PLEK2: variants seen among roughly 807,000 people sequenced by gnomAD.
The protein encoded by PLEK2 is pleckstrin-2.
PLEK2 carries 29 observed loss-of-function variants against 43.8 expected under a neutral mutation model. The ratio of observed to expected loss-of-function variants is 0.66; its 90% CI spans 0.49 to 0.90. PLEK2 has a LOEUF of 0.90. Among genes scored for constraint, PLEK2 ranks in the 40% least tolerant of loss-of-function variants. The pLI is 0.00. For synonymous variants in PLEK2, 162 were observed against 173.2 expected, an observed-to-expected ratio of 0.94 and a Z score of 0.51; for missense variants, 398 against 448.1, an observed-to-expected ratio of 0.89 and a Z score of 1.01.
At chr14:67,403,224 C>T (rs567350126) in intron 1 of PLEK2, among the ~76,000 whole-genome samples, 6 of 152,196 alleles carry the variant, frequency 3.9e-5, no homozygotes, top group South Asian at 4.1e-4. Context: ...TGTCTTCTTT[C>T]GAGAAATGTC....
intron 1 of PLEK2, among the ~76,000 whole-genome samples, chr14:67,401,914 T>C (rs951537905): frequency 6.6e-6 from 1 of 152,118 alleles, no homozygotes; most frequent in African/African-American, 2.4e-5. Flanking sequence ...ACCCAACTCC[T>C]GAGGTCAGGA....
intron 1 of PLEK2, among the ~76,000 whole-genome samples, chr14:67,398,538 GA>G (rs2086026802): frequency 6.6e-6 from 1 of 151,702 alleles, no homozygotes. Flanking sequence ...TGCCACCTGA[GA>G]ACCAACTAAA....
At chr14:67,410,216 G>A (rs1033248999) in intron 1 of PLEK2, among the ~76,000 whole-genome samples, 3 of 152,076 alleles carry the variant, frequency 2.0e-5, no homozygotes, top group Non-Finnish European at 4.4e-5. Context: ...TCAGCATGGT[G>A]GGGGTGATAG....
intron 1 of PLEK2, among the ~76,000 whole-genome samples, chr14:67,411,262 G>A (rs1250346682): frequency 3.3e-5 from 5 of 151,638 alleles, no homozygotes; most frequent in African/African-American, 4.9e-5. Context: ...GTTTGCACTC[G>A]TTTGCCCTGG....
chr14:67,392,214 C>T, intron 6 of PLEK2, 112 bp downstream of exon 6: 2 of 753,134 alleles, frequency 2.7e-6, no homozygotes, highest in Non-Finnish European at 4.7e-6. Context: ...GTAGATTTTG[C>T]TGTAATTGGT....
chr14:67,393,610 C>T (rs924551121), intron 3 of PLEK2, among the ~76,000 whole-genome samples: 4 of 152,106 alleles, frequency 2.6e-5, no homozygotes, highest in Non-Finnish European at 4.4e-5. Context: ...TTTGCCACCA[C>T]ACCTGGCTAA....
chr14:67,387,238 G>A lies in PLEK2; in HGVS notation c.*91C>T, dbSNP rs2085932070. The A allele has an allele frequency of 1.7e-5, 22 of 1,277,138 alleles. No individual in the cohort carries two copies. In the South Asian group the frequency reaches 2.9e-4, roughly 17 times the overall value. The allele number at this position is 1,277,138 out of a possible 1,614,324, so 79.1% of individuals were successfully genotyped here. A position where few individuals can be genotyped will look rare whatever the true frequency, so the allele number is the denominator to read the frequency against. On this transcript the variant is annotated 3_prime_UTR_variant, in exon 9 of 9. Transcript: ENST00000216446. ...TCCAAAGCAGTACAAAACTTACAAA[G>A]AAGTCAAAAGTCTTAACACTCCCAT...
At chr14:67,387,517 G>A (rs1207046520) in intron 8 of PLEK2, 61 bp from the exon 9 acceptor site, 1 of 1,541,860 alleles carries the variant, frequency 6.5e-7, no homozygotes, top group Non-Finnish European at 8.8e-7. Flanking sequence ...CTTTCATCTT[G>A]AACCAGCAGA....
At position 67,397,695 on chromosome 14, in the gene PLEK2, G is replaced by C; in HGVS notation, c.174C>G (p.Ile58Met). 1.9e-6 allele frequency: 3 copies of C among 1,613,356 alleles called. No individual in the cohort carries two copies. The highest frequency in any genetic ancestry group is 2.5e-6 in the Non-Finnish European group (3 of 1,179,642). The change falls in exon 2 of 9, where the codon ATC becomes ATG. Residue 58 changes from isoleucine to methionine, a missense_variant. Transcript: ENST00000216446. ...TTTCATACTCCAGGCAGGGGCAGGT[G>C]ATGGTGCAGCCATCCAGGAGGATCC... The part of the protein sequence containing the change: ...KGRILLDGCT[I>M]TCPCLEYENR...
intron 6 of PLEK2, 144 bp downstream of exon 6, chr14:67,392,182 C>T (rs1197530673): frequency 6.2e-6 from 4 of 646,240 alleles, no homozygotes; most frequent in Non-Finnish European, 8.4e-6. Context: ...CTCCTGGAGG[C>T]TGGTGCTGGG....
chr14:67,392,931 G>T, intron 4 of PLEK2, 82 bp from the exon 5 acceptor site: 1 of 1,191,652 alleles, frequency 8.4e-7, no homozygotes, highest in Non-Finnish European at 1.2e-6. Context: ...CACTGACCTT[G>T]GCCCTCTGGG....
chr14:67,392,474 G>C, intron 5 of PLEK2, 47 bp from the exon 6 acceptor site: 1 of 1,441,810 alleles, frequency 6.9e-7, no homozygotes, highest in Non-Finnish European at 9.8e-7. Flanking sequence ...AAAGACCCAG[G>C]CCCAGGCTAT....
intron 1 of PLEK2, among the ~76,000 whole-genome samples, chr14:67,407,688 A>G (rs1283268523): frequency 6.6e-6 from 1 of 151,634 alleles, no homozygotes; most frequent in Non-Finnish European, 1.5e-5. Flanking sequence ...CAATCCTCCC[A>G]CTTTGGCCTC....
chr14:67,387,635 G>T (rs998730769), intron 8 of PLEK2, among the ~76,000 whole-genome samples, 179 bp from the exon 9 acceptor site: 1 of 152,208 alleles, frequency 6.6e-6, no homozygotes, highest in African/African-American at 2.4e-5. Flanking sequence ...CCCATTCCCT[G>T]TCCCTCACCA....
chr14:67,393,312 C>A, intron 3 of PLEK2, 71 bp from the exon 4 acceptor site: 1 of 1,014,356 alleles, frequency 9.9e-7, no homozygotes, highest in South Asian at 1.3e-5. Context: ...GGTCCTGAGT[C>A]ACTGCTAAGG....
At chr14:67,391,654 A>C (rs945238615) in intron 6 of PLEK2, among the ~76,000 whole-genome samples, 3 of 152,190 alleles carry the variant, frequency 2.0e-5, no homozygotes, top group African/African-American at 7.2e-5. Flanking sequence ...ATGTGCACAA[A>C]CACGAAGGCT....
intron 6 of PLEK2, among the ~76,000 whole-genome samples, chr14:67,391,271 ATGTGTGTGTGTGTGTGTGTGTGTG>A (rs61156733): frequency 7.0e-6 from 1 of 143,800 alleles, no homozygotes; most frequent in Non-Finnish European, 1.5e-5. Flanking sequence ...AGCAGCTGAT[ATGTGTGTGTGTGTGTGTGTGTGTG>A]TGTGTGTGTG....
At chr14:67,398,869 G>A (rs1485728711) in intron 1 of PLEK2, among the ~76,000 whole-genome samples, 2 of 152,146 alleles carry the variant, frequency 1.3e-5, no homozygotes, top group Non-Finnish European at 2.9e-5. Context: ...TCCCTGTTTT[G>A]TTTGGCCTTG....
intron 8 of PLEK2, 118 bp downstream of exon 8, chr14:67,388,106 G>A: frequency 1.5e-6 from 1 of 661,134 alleles, no homozygotes; most frequent in Non-Finnish European, 2.7e-6. Context: ...ACACCACTCT[G>A]TCTCATGGAG....
Sources: allele counts gnomAD v4.1 joint callset (sites outside exome capture counted in the v4.1 genomes callset), GRCh38; gene constraint gnomAD v4.1.1; transcripts MANE v1.5; gene names NCBI Gene and HGNC (gene_info 2026-07-23, HGNC 2026-07-21).